The following C3orf52 variants were observed in gnomAD, a reference collection of about 807,000 sequenced individuals.
C3orf52 encodes the protein TPA-induced transmembrane protein.
In C3orf52, 22 loss-of-function variants were observed where a neutral mutation model predicts 24.8. The observed-to-expected ratio is 0.89, with a 90% confidence interval of 0.63 to 1.27. The LOEUF is 1.27. Ranked by LOEUF, C3orf52 falls within the 50% of genes most tolerant of loss-of-function variation. The pLI is 0.00. For missense variants in C3orf52, 265 were observed against 260.7 expected (o/e 1.02, Z -0.11); for synonymous variants, 93 against 100.2 (o/e 0.93, Z 0.43).
At position 112,125,036 on chromosome 3, in the gene C3orf52, T is replaced by C. The variant is rs923745; in HGVS notation, c.*47-3197T>C. Reference sequence around the variant, plus strand: ...AATTTAAGTTCCTTTCAATAAATTATACAGCAGAAGTGGCTGCTGCTTCTG... The same window carrying C: ...AATTTAAGTTCCTTTCAATAAATTACACAGCAGAAGTGGCTGCTGCTTCTG... On this transcript the variant is annotated intron_variant, in intron 4 of 4. Transcript: ENST00000480282. 0.53 allele frequency among the ~76,000 whole-genome samples: 80,494 copies of C among 152,042 alleles called. 23,129 individuals are homozygous for C. Among genetic ancestry groups the C allele is most frequent in the East Asian group, 0.75 (3,870 of 5,160 alleles).
chr3:112,113,640 G>T (rs184365780), intron 5 of C3orf52, among the ~76,000 whole-genome samples: 1 of 152,064 alleles, frequency 6.6e-6, no homozygotes, highest in Non-Finnish European at 1.5e-5. Context: ...TAATAGAGGG[G>T]TATACAAAGA....
downstream of C3orf52, chr3:112,120,722 G>A (rs1490332964): frequency 6.6e-6 from 1 of 152,164 alleles, no homozygotes; most frequent in Non-Finnish European, 1.5e-5. Flanking sequence ...CGCACACATC[G>A]TATACAAATG....
chr3:112,113,384 A>G (rs2074104796), intron 5 of C3orf52, among the ~76,000 whole-genome samples: 1 of 152,200 alleles, frequency 6.6e-6, no homozygotes, highest in Non-Finnish European at 1.5e-5. Context: ...GCAATTATGG[A>G]AAAGATAATT....
At chr3:112,104,617 A>G (rs892040283) in intron 3 of C3orf52, among the ~76,000 whole-genome samples, 1 of 151,148 alleles carries the variant, frequency 6.6e-6, no homozygotes, top group African/African-American at 2.4e-5. Context: ...TTTTTTTTAG[A>G]TTGTTTAAAT....
rs1404022838 is a variant in C3orf52 at position 112,127,510 on chromosome 3, T to C, written c.*47-723T>C. On this transcript the variant is annotated intron_variant, in intron 4 of 4. Transcript: ENST00000480282. ...TGATATAAATATAATGGAAGCCCAC[T>C]ATCGTTTCAGTAGACAAGAACATCT... Among the ~76,000 whole-genome samples, 5 of 152,212 alleles carry C rather than the reference T, an allele frequency of 3.3e-5. No individual in the cohort carries two copies. The East Asian group carries it at 5.8e-4, about 18-fold the overall frequency.
At chr3:112,094,635 T>C (rs1292454750) in intron 2 of C3orf52, among the ~76,000 whole-genome samples, 1 of 152,232 alleles carries the variant, frequency 6.6e-6, no homozygotes, top group East Asian at 1.9e-4. Context: ...TTGTGAACAT[T>C]ATTATTTTTA....
At chr3:112,127,598 T>C (rs1057338896) in intron 4 of C3orf52, among the ~76,000 whole-genome samples, 9 of 152,228 alleles carry the variant, frequency 5.9e-5, no homozygotes, top group Admixed American at 3.9e-4. Flanking sequence ...ATCAATCACT[T>C]AGCGAGCTTT....
chr3:112,136,051 G>A, the C3orf52 span, among the ~76,000 whole-genome samples: 1 of 152,062 alleles, frequency 6.6e-6, no homozygotes, highest in Non-Finnish European at 1.5e-5. Context: ...ACAATTTTCT[G>A]GAGTCTAACT....
downstream of C3orf52, among the ~76,000 whole-genome samples, chr3:112,120,302 C>A (rs1165805372): frequency 1.3e-5 from 2 of 152,196 alleles, no homozygotes; most frequent in African/African-American, 2.4e-5. Flanking sequence ...ATCCTGGAGA[C>A]TTCTATTTCC....
chr3:112,126,877 T>C (rs1311159414), intron 4 of C3orf52: 3 of 789,882 alleles, frequency 3.8e-6, no homozygotes, highest in Non-Finnish European at 6.6e-6. Context: ...GCAAAATGTG[T>C]AGATATTGTA....
downstream of C3orf52, chr3:112,129,177 A>G (rs1484125039): frequency 6.6e-6 from 1 of 152,240 alleles, no homozygotes; most frequent in Non-Finnish European, 1.5e-5. Flanking sequence ...CTAAGGAAAC[A>G]TCGTAAGAAA....
At chr3:112,130,116 G>A (rs942997634), downstream of C3orf52, 11 of 281,844 alleles carry the variant, frequency 3.9e-5, no homozygotes, top group Admixed American at 4.9e-4. Flanking sequence ...AATGGCTAGG[G>A]TGGAGGTTGA....
At chr3:112,134,802 A>G (rs2074533756), downstream of C3orf52, 1 of 154,806 alleles carries the variant, frequency 6.5e-6, no homozygotes, top group South Asian at 2.0e-4. Context: ...AATCCTGACC[A>G]TCATTGAAAA....
At chr3:112,088,209 G>T (rs2073846518) in intron 1 of C3orf52, among the ~76,000 whole-genome samples, 1 of 152,192 alleles carries the variant, frequency 6.6e-6, no homozygotes, top group South Asian at 2.1e-4. Flanking sequence ...CTTGGAGTGT[G>T]TTCAAGGAAT....
chr3:112,132,689 C>A, downstream of C3orf52: 1 of 987,796 alleles, frequency 1.0e-6, no homozygotes, highest in Non-Finnish European at 1.2e-6. Flanking sequence ...AGGAAGCTTG[C>A]TGTTTATTTC....
chr3:112,135,881 A>C (rs543950820), downstream of C3orf52, among the ~76,000 whole-genome samples: 1 of 152,294 alleles, frequency 6.6e-6, no homozygotes, highest in South Asian at 2.1e-4. Context: ...GACAATATCA[A>C]ATAAGCATTG....
chr3:112,108,825 T>A (rs1477328897), intron 3 of C3orf52, among the ~76,000 whole-genome samples: 1 of 152,166 alleles, frequency 6.6e-6, no homozygotes, highest in Non-Finnish European at 1.5e-5. Flanking sequence ...AAGGAAAGGA[T>A]GCATGCCAGC....
chr3:112,133,395 C>T (rs533926122), downstream of C3orf52: 45 of 407,796 alleles, frequency 1.1e-4, no homozygotes, highest in South Asian at 1.6e-3. Context: ...ATGAGAGCTT[C>T]GAACCTCTGG....
At chr3:112,123,268 G>C in intron 4 of C3orf52, 5 of 1,055,566 alleles carry the variant, frequency 4.7e-6, no homozygotes, top group Non-Finnish European at 6.6e-6. Flanking sequence ...CAGGATAAAT[G>C]GTTGATCTTT....
Sources: gnomAD v4.1 joint callset for allele counts (sites outside exome capture counted in the v4.1 genomes callset) on GRCh38, gnomAD v4.1.1 for gene constraint, MANE v1.5 for transcripts, NCBI Gene and HGNC (gene_info 2026-07-23, HGNC 2026-07-21) for gene names.